The following OR3A2 variants were observed in gnomAD, a reference collection of about 807,000 sequenced individuals.
OR3A2 encodes the protein olfactory receptor 3A2.
For synonymous variants in OR3A2, 126 were observed against 159.3 expected, an observed-to-expected ratio of 0.79 and a Z score of 1.57; for missense variants, 318 against 392.8, an observed-to-expected ratio of 0.81 and a Z score of 1.61.
Position 3,292,376 on chromosome 17 carries a change from TA to T in OR3A2, c.-84-13224del, listed in dbSNP as rs779561803. 2.0e-5 allele frequency: 32 copies of T among 1,613,828 alleles called. 1 individual carries two copies. The South Asian group carries it at 3.3e-4, about 17-fold the overall frequency. On this transcript the variant is annotated intron_variant, in intron 3 of 4. Transcript: ENST00000573491. Reference sequence around the variant, plus strand: ...TGATGCACCCAACATCCAGCACTGATAGGTTCCCCAGGAAGAAGTACATGGG... The same window carrying T: ...TGATGCACCCAACATCCAGCACTGATGGTTCCCCAGGAAGAAGTACATGGG...
At chr17:3,345,923 T>C (rs765668461) in intron 2 of OR3A2, among the ~76,000 whole-genome samples, 1 of 151,584 alleles carries the variant, frequency 6.6e-6, no homozygotes, top group Non-Finnish European at 1.5e-5. Context: ...GACAGAAGAG[T>C]CTACAAGCTT....
intron 2 of OR3A2, among the ~76,000 whole-genome samples, chr17:3,376,891 G>A (rs371498346): frequency 9.8e-5 from 15 of 152,296 alleles, no homozygotes; most frequent in African/African-American, 3.6e-4. Context: ...GACCAGGGGT[G>A]CCTACAGGGC....
intron 2 of OR3A2, among the ~76,000 whole-genome samples, chr17:3,383,265 G>C (rs1254704225): frequency 6.6e-6 from 1 of 152,176 alleles, no homozygotes; most frequent in Non-Finnish European, 1.5e-5. Flanking sequence ...TTAAGAAAAA[G>C]ACTTAAACAA....
At chr17:3,376,937 C>T (rs941980182) in intron 2 of OR3A2, among the ~76,000 whole-genome samples, 6 of 152,158 alleles carry the variant, frequency 3.9e-5, no homozygotes, top group Non-Finnish European at 5.9e-5. Flanking sequence ...ATATTTTGCT[C>T]GGTTCCTTAA....
chr17:3,305,971 A>G (rs2048996915), intron 3 of OR3A2, among the ~76,000 whole-genome samples: 2 of 152,202 alleles, frequency 1.3e-5, no homozygotes, highest in Non-Finnish European at 2.9e-5. Context: ...ACTGTGCTCA[A>G]TTAATAGATG....
At chr17:3,363,190 C>G (rs2049533541) in intron 2 of OR3A2, among the ~76,000 whole-genome samples, 2 of 151,868 alleles carry the variant, frequency 1.3e-5, no homozygotes, top group South Asian at 4.1e-4. Context: ...ATGGGTTTGT[C>G]TTTTCTACCT....
At chr17:3,331,533 A>T (rs1332083722) in intron 3 of OR3A2, among the ~76,000 whole-genome samples, 6 of 151,282 alleles carry the variant, frequency 4.0e-5, no homozygotes, top group Admixed American at 3.9e-4. Context: ...TGCATTCTTC[A>T]CGTAGTTCTC....
At chr17:3,318,952 ATT>A (rs5818893) in intron 3 of OR3A2, among the ~76,000 whole-genome samples, 2 of 151,830 alleles carry the variant, frequency 1.3e-5, no homozygotes, top group African/African-American at 4.8e-5. Flanking sequence ...TTTACTTTGC[ATT>A]TTTTTTAAAT....
intron 3 of OR3A2, chr17:3,310,661 G>A (rs183062199): frequency 3.1e-5 from 17 of 542,756 alleles, no homozygotes; most frequent in Admixed American, 2.7e-4. Context: ...ACTGCTTCTT[G>A]CTGACCATCA....
chr17:3,294,929 G>A (rs73977627), intron 3 of OR3A2, among the ~76,000 whole-genome samples: 2,141 of 152,206 alleles, frequency 0.014, 34 homozygotes, highest in African/African-American at 0.048. Context: ...CATTGTTGAA[G>A]AAAGCAGACT....
intron 2 of OR3A2, among the ~76,000 whole-genome samples, chr17:3,375,735 T>C (rs2049677902): frequency 6.6e-6 from 1 of 152,200 alleles, no homozygotes; most frequent in Non-Finnish European, 1.5e-5. Flanking sequence ...ACTGTTTTAG[T>C]GGAAAAATCT....
At chr17:3,310,235 A>G in intron 3 of OR3A2, 1 of 466,690 alleles carries the variant, frequency 2.1e-6, no homozygotes, top group Non-Finnish European at 4.4e-6. Flanking sequence ...GATGATTGTT[A>G]TCAACACCTC....
chr17:3,380,798 T>C (rs1597366845), intron 2 of OR3A2, among the ~76,000 whole-genome samples: 1 of 151,986 alleles, frequency 6.6e-6, no homozygotes, highest in Non-Finnish European at 1.5e-5. Context: ...CCTGAGAGCG[T>C]GGGGGCCACT....
chr17:3,332,476 G>A (rs201436535), intron 3 of OR3A2, among the ~76,000 whole-genome samples: 89 of 152,296 alleles, frequency 5.8e-4, no homozygotes, highest in Middle Eastern at 6.8e-3. Context: ...AGGTGCGTCC[G>A]TCACCCCTTT....
chr17:3,343,997 T>G (rs1177426516), intron 2 of OR3A2, among the ~76,000 whole-genome samples: 1 of 152,218 alleles, frequency 6.6e-6, no homozygotes, highest in African/African-American at 2.4e-5. Flanking sequence ...CTAGGAAGTT[T>G]TTCTCATTCT....
chr17:3,311,983 T>G lies in OR3A2; in HGVS notation c.-85+24050A>C, dbSNP rs1017817327. The G allele has an allele frequency of 1.2e-4, 19 of 154,536 alleles. No homozygotes were observed. The highest frequency in any genetic ancestry group is 3.9e-4 in the African/African-American group (16 of 41,380). The allele number at this position is 154,536 out of a possible 1,614,324, so 9.6% of individuals were successfully genotyped here. A position where few individuals can be genotyped will look rare whatever the true frequency, so the allele number is the denominator to read the frequency against. On this transcript the variant is annotated intron_variant, in intron 3 of 4. Coordinates refer to the OR3A2 transcript ENST00000573491. The surrounding 1 kb of genome is among the most constrained non-coding windows in gnomAD (Gnocchi z 4.6). ...CTCCCTCCTCGAGCAACCCCCCGAC[T>G]TTCTTATGCTGAAGGACTAGGTATG...
intron 2 of OR3A2, among the ~76,000 whole-genome samples, chr17:3,371,454 G>T (rs2049619123): frequency 6.9e-6 from 1 of 145,292 alleles, no homozygotes; most frequent in Non-Finnish European, 1.5e-5. Context: ...GGACGGGGTG[G>T]CTGGCTGGGC....
At chr17:3,350,667 T>A (rs1457575515) in intron 2 of OR3A2, among the ~76,000 whole-genome samples, 3 of 150,550 alleles carry the variant, frequency 2.0e-5, no homozygotes, top group Admixed American at 1.3e-4. Flanking sequence ...GAGGGAATCC[T>A]CCCTAACTCA....
intron 2 of OR3A2, among the ~76,000 whole-genome samples, chr17:3,371,636 G>A (rs2049622970): frequency 1.5e-5 from 2 of 136,560 alleles, no homozygotes; most frequent in Admixed American, 1.4e-4. Flanking sequence ...CTTCCCAGTA[G>A]GGGAGGCCGG....
Sources: gnomAD v4.1 joint callset for allele counts (sites outside exome capture counted in the v4.1 genomes callset) on GRCh38, gnomAD v4.1.1 for gene constraint, Gnocchi (gnomAD v3.1) non-coding constraint, MANE v1.5 for transcripts, NCBI Gene and HGNC (gene_info 2026-07-23, HGNC 2026-07-21) for gene names.